The following PPP1R9A variants were observed in gnomAD, a reference collection of about 807,000 sequenced individuals.
The protein encoded by PPP1R9A is protein phosphatase 1 regulatory subunit 9A.
In PPP1R9A, 59 loss-of-function variants were observed where a neutral mutation model predicts 141.9. The ratio of observed to expected loss-of-function variants is 0.42; its 90% CI spans 0.34 to 0.52. The LOEUF (loss-of-function observed/expected upper bound fraction) is 0.52. PPP1R9A is among the 20% of genes least tolerant of loss of function. The pLI is 0.10. For synonymous variants in PPP1R9A, 500 were observed against 569.7 expected (o/e 0.88, Z 1.74); for missense variants, 1,444 against 1,611.9 (o/e 0.90, Z 1.78).
At chr7:94,971,562 C>T (rs183443995) in intron 2 of PPP1R9A, among the ~76,000 whole-genome samples, 4 of 152,270 alleles carry the variant, frequency 2.6e-5, no homozygotes, top group Non-Finnish European at 1.5e-5. Flanking sequence ...CTTGAGAATT[C>T]ACAGTTTTCT....
At chr7:95,046,108 T>C (rs1170739689) in intron 2 of PPP1R9A, among the ~76,000 whole-genome samples, 1 of 149,854 alleles carries the variant, frequency 6.7e-6, no homozygotes, top group Non-Finnish European at 1.5e-5. Flanking sequence ...AGACAGAGTC[T>C]CGCTCTGCCG....
At chr7:95,251,709 A>G in intron 10 of PPP1R9A, 53 bp from the exon 11 acceptor site, 1 of 1,506,092 alleles carries the variant, frequency 6.6e-7, no homozygotes, top group Non-Finnish European at 9.1e-7. Context: ...TCAGATAAGA[A>G]CTTTCATTTA....
chr7:95,049,337 T>C (rs1810470810), intron 2 of PPP1R9A, among the ~76,000 whole-genome samples: 2 of 152,142 alleles, frequency 1.3e-5, no homozygotes, highest in South Asian at 4.1e-4. Context: ...GCGAAGAGAT[T>C]GGGTTAAAAA....
chr7:95,103,541 T>G (rs992182991), intron 2 of PPP1R9A, among the ~76,000 whole-genome samples: 2 of 151,988 alleles, frequency 1.3e-5, no homozygotes, highest in Non-Finnish European at 1.5e-5. Flanking sequence ...CTAATTTTTT[T>G]GTATTTTTAG....
rs752372793 is a variant in PPP1R9A at position 94,911,539 on chromosome 7, A to T, written c.1395+31A>T. The T allele has an allele frequency of 3.2e-6, 5 of 1,545,082 alleles. No homozygotes were observed. The South Asian group carries it at 5.9e-5, about 18-fold the overall frequency. ...TGTGTTTTCTCCATTTTGTTTTCTAAATTTGTTTTTAGTACTAGGGCCTAA... is the reference window on the plus strand; with the variant it reads ...TGTGTTTTCTCCATTTTGTTTTCTATATTTGTTTTTAGTACTAGGGCCTAA... On this transcript the variant is annotated intron_variant, in intron 2 of 19. Transcript: ENST00000433360.
intron 4 of PPP1R9A, among the ~76,000 whole-genome samples, chr7:95,141,502 C>T (rs1447084573): frequency 6.6e-6 from 1 of 152,176 alleles, no homozygotes; most frequent in Non-Finnish European, 1.5e-5. Flanking sequence ...AATCCATTAA[C>T]AGTCACTTTC....
intron 2 of PPP1R9A, among the ~76,000 whole-genome samples, chr7:95,014,072 A>T (rs1375349560): frequency 6.6e-6 from 1 of 152,088 alleles, no homozygotes; most frequent in East Asian, 1.9e-4. Flanking sequence ...CATTTCCTAA[A>T]ATCAGGAACA....
chr7:94,927,064 C>A (rs1457300587), intron 2 of PPP1R9A, among the ~76,000 whole-genome samples: 1 of 152,058 alleles, frequency 6.6e-6, no homozygotes, highest in Non-Finnish European at 1.5e-5. Flanking sequence ...TATGTAGAAA[C>A]AAGTTTTTCC....
intron 2 of PPP1R9A, among the ~76,000 whole-genome samples, chr7:95,007,181 C>T (rs1011934533): frequency 4.6e-5 from 7 of 152,186 alleles, no homozygotes; most frequent in Middle Eastern, 3.4e-3. Context: ...TTTTGAATGG[C>T]CATCCTAAAT....
At chr7:95,270,420 C>T (rs1305407755) in intron 14 of PPP1R9A, among the ~76,000 whole-genome samples, 3 of 151,978 alleles carry the variant, frequency 2.0e-5, no homozygotes, top group South Asian at 2.1e-4. Flanking sequence ...CAGGAGTTGG[C>T]GATTTTCTGA....
intron 3 of PPP1R9A, among the ~76,000 whole-genome samples, chr7:95,120,043 G>A (rs1436411017): frequency 2.9e-5 from 4 of 138,288 alleles, no homozygotes; most frequent in Admixed American, 8.2e-5. Flanking sequence ...TGCAACCTCC[G>A]CCTCCTGGGT....
rs147104315 is a variant in PPP1R9A, at chr7:95,038,288, T to A, written c.1396-72971T>A. On this transcript the variant is annotated intron_variant, in intron 2 of 19. Transcript: ENST00000433360. ...GAGTCTCAGCCAAGATCTATTTACC[T>A]GGAGAAGAAGCTGCTAGAGTCATAA... is the stretch of plus-strand genomic sequence containing the variant. 2.1e-3 allele frequency among the ~76,000 whole-genome samples: 320 copies of A among 152,194 alleles called. 6 individuals are homozygous for A. In the East Asian group the frequency reaches 0.045, roughly 21 times the overall value.
At position 95,293,823 on chromosome 7, in the gene PPP1R9A, A is replaced by G. The variant is rs1312653795; in HGVS notation, c.*3520A>G. ...AATTGCATTTTATAAAAGGGAAATG[A>G]AAATTTGCATTTATATAGATACTCT... On this transcript the variant is annotated 3_prime_UTR_variant, in exon 20 of 20. Coordinates refer to ENST00000433360, the MANE Select transcript of PPP1R9A (RefSeq NM_001166160.2). 6.6e-6 allele frequency: 1 copy of G among 152,236 alleles called. No homozygotes were observed. Among genetic ancestry groups the G allele is most frequent in the Non-Finnish European group, 1.5e-5 (1 of 68,042 alleles). 9.4% of individuals were successfully genotyped at this position (152,236 alleles called of 1,614,324 possible).
At chr7:95,072,578 A>C (rs549920232) in intron 2 of PPP1R9A, among the ~76,000 whole-genome samples, 1 of 135,578 alleles carries the variant, frequency 7.4e-6, no homozygotes, top group East Asian at 2.0e-4. Context: ...ATATCTCATT[A>C]TAGGAAATTT....
chr7:95,203,631 A>AAAC, intron 6 of PPP1R9A, 34 bp from the exon 7 acceptor site: 1 of 1,504,546 alleles, frequency 6.6e-7, no homozygotes, highest in Non-Finnish European at 8.9e-7. Context: ...GTGGGGGTTA[A>AAAC]GCCTTCTTTA....
chr7:95,000,812 T>A (rs573436450), intron 2 of PPP1R9A, among the ~76,000 whole-genome samples: 2 of 152,340 alleles, frequency 1.3e-5, no homozygotes, highest in Non-Finnish European at 2.9e-5. Flanking sequence ...GATTCTACAC[T>A]ATCTCTGAAT....
intron 2 of PPP1R9A, among the ~76,000 whole-genome samples, chr7:94,940,629 A>T (rs532331215): frequency 7.6e-4 from 116 of 152,088 alleles, no homozygotes; most frequent in African/African-American, 2.7e-3. Flanking sequence ...CTTAAAAATA[A>T]TTATAAGTCT....
At chr7:95,163,451 AG>A (rs1830720252) in intron 5 of PPP1R9A, among the ~76,000 whole-genome samples, 2 of 152,232 alleles carry the variant, frequency 1.3e-5, no homozygotes, top group South Asian at 4.1e-4. Flanking sequence ...GCTTAACTCT[AG>A]TACAGGTTGA....
chr7:94,928,785 A>G lies in PPP1R9A; in HGVS notation c.1395+17277A>G, dbSNP rs543360434. ...AATTCTTTGGGGAAGAGCTGATAAAATATGTCACTTAAAGATCTTGTTAAA... is the reference window on the plus strand; with the variant it reads ...AATTCTTTGGGGAAGAGCTGATAAAGTATGTCACTTAAAGATCTTGTTAAA... On this transcript the variant is annotated intron_variant, in intron 2 of 19. Coordinates refer to ENST00000433360, the MANE Select transcript of PPP1R9A (RefSeq NM_001166160.2). Among the ~76,000 whole-genome samples the G allele has an allele frequency of 3.9e-5, 6 of 152,330 alleles. No homozygotes were observed. In the East Asian group the frequency reaches 9.7e-4, roughly 25 times the overall value.
Sources: gnomAD v4.1 joint callset for allele counts (sites outside exome capture counted in the v4.1 genomes callset) on GRCh38, gnomAD v4.1.1 for gene constraint, MANE v1.5 for transcripts, NCBI Gene and HGNC (gene_info 2026-07-23, HGNC 2026-07-21) for gene names.